Variants in PTGER1 observed in about 807,000 individuals in gnomAD.
PTGER1 encodes prostaglandin E receptor 1, also known as prostaglandin E2 receptor EP1 subtype.
In PTGER1, 15 loss-of-function variants were observed where a neutral mutation model predicts 18.5. The ratio of observed to expected loss-of-function variants is 0.81; its 90% CI spans 0.54 to 1.25. PTGER1 has a LOEUF of 1.25. Ranked by LOEUF, PTGER1 falls within the 50% of genes most tolerant of loss-of-function variation. The pLI, the probability that PTGER1 is intolerant of heterozygous loss-of-function variation, is 0.00. For synonymous variants in PTGER1, 339 were observed against 308.4 expected (o/e 1.10, Z -1.04); for missense variants, 567 against 603.4 (o/e 0.94, Z 0.63).
In PTGER1 at chr19:14,474,476, G is replaced by T. The variant is rs116070352; in HGVS notation, c.-17-139C>A. ...CCCCTCTGCCCATGGCAGTTGCCAT[G>T]GGCAACTCCAAATGACCTGGCCACT... On this transcript the variant is annotated intron_variant, in intron 1 of 2. Coordinates refer to ENST00000292513, the MANE Select transcript of PTGER1 (RefSeq NM_000955.3). The surrounding 1 kb of genome is among the most constrained non-coding windows in gnomAD (Gnocchi z 5.4). 2.1e-6 allele frequency: 2 copies of T among 945,714 alleles called. No individual in the cohort carries two copies. The highest frequency in any genetic ancestry group is 1.8e-5 in the African/African-American group (1 of 56,810). 58.6% of individuals were successfully genotyped at this position (945,714 alleles called of 1,614,324 possible). A position where few individuals can be genotyped will look rare whatever the true frequency, so the allele number is the denominator to read the frequency against.
chr19:14,472,821 C>A lies in PTGER1; in HGVS notation c.948G>T (p.Leu316Phe). ...TCCAGCCGCCGACGGCCAGCGCCAC[C>A]AACACCTGCGGGGGAAGCCGGTGTG... ...SCICWSPMLV[L>F]VALAVGGWSS... The change falls in exon 3 of 3, where the codon TTG (leucine) becomes TTT (phenylalanine). Residue 316 changes from leucine (L) to phenylalanine (F), a missense_variant. Leu to Phe is a conservative substitution (Grantham distance 22). Coordinates refer to ENST00000292513, the MANE Select transcript of PTGER1 (RefSeq NM_000955.3). The A allele has an allele frequency of 2.6e-6, 4 of 1,551,236 alleles. No homozygotes were observed. Among genetic ancestry groups the A allele is most frequent in the South Asian group, 1.2e-5 (1 of 84,448 alleles).
Position 14,474,652 on chromosome 19 carries a change from C to A in PTGER1, c.-17-315G>T, listed in dbSNP as rs980302769. Among the ~76,000 whole-genome samples, 2 of 152,050 alleles carry A rather than the reference C, an allele frequency of 1.3e-5. No homozygotes were observed. The highest frequency in any genetic ancestry group is 2.4e-5 in the African/African-American group (1 of 41,388). On this transcript the variant is annotated intron_variant, in intron 1 of 2. Transcript: ENST00000292513. This position sits in a 1 kb window ranked among gnomAD's most constrained non-coding sequence, Gnocchi z 5.4. ...CCGCCCTCAGGCATCTCTGCCAGTG[C>A]CTCCGACCCCCACCTTCCATTTTTA... is the stretch of plus-strand genomic sequence containing the variant.
chr19:14,472,527 G>A lies in PTGER1; in HGVS notation c.*33C>T, dbSNP rs1353104588. On this transcript the variant is annotated 3_prime_UTR_variant, in exon 3 of 3. Coordinates refer to ENST00000292513, the MANE Select transcript of PTGER1 (RefSeq NM_000955.3). The stretch of plus-strand genomic sequence containing the variant: ...CGCGCACCTGGGCCCAGCCCAGGGT[G>A]GGCTGGCTTAGTCGTTGGGCCTCTG... 1 of 1,516,232 alleles carries A rather than the reference G, an allele frequency of 6.6e-7. No homozygotes were observed. 93.9% of individuals were successfully genotyped at this position (1,516,232 alleles called of 1,614,324 possible). A position where few individuals can be genotyped will look rare whatever the true frequency, so the allele number is the denominator to read the frequency against.
Position 14,473,636 on chromosome 19 carries a change from G to T in PTGER1, c.685C>A (p.Leu229Met). 1 of 1,477,078 alleles carries T rather than the reference G, an allele frequency of 6.8e-7. No individual in the cohort carries two copies. Among genetic ancestry groups the T allele is most frequent in the Non-Finnish European group, 8.9e-7 (1 of 1,122,628 alleles). The allele number at this position is 1,477,078 out of a possible 1,614,324, so 91.5% of individuals were successfully genotyped here. ...LVCNTLSGLA[L>M]LRARWRRRSR... ...CGGCGTCGCCAGCGGGCGCGTAGCA[G>T]GGCCAGGCCGCTGAGCGTGTTGCAC... is the stretch of plus-strand genomic sequence containing the variant. The change falls in exon 2 of 3, where the codon CTG becomes ATG. Residue 229 changes from leucine to methionine, a missense_variant. Leu to Met is a conservative substitution (Grantham distance 15). Coordinates refer to ENST00000292513, the MANE Select transcript of PTGER1 (RefSeq NM_000955.3). This position sits in a 1 kb window ranked among gnomAD's most constrained non-coding sequence, Gnocchi z 7.1.
In PTGER1 at chr19:14,474,402, C is replaced by T; in HGVS notation, c.-17-65G>A. ...CCCGGGCGGGGACCAGCCCACGGTG[C>T]CATCTCAGAACATCAGGGCCTGTTT... On this transcript the variant is annotated intron_variant, in intron 1 of 2. Transcript: ENST00000292513. This position sits in a 1 kb window ranked among gnomAD's most constrained non-coding sequence, Gnocchi z 5.4. The T allele has an allele frequency of 1.4e-5, 19 of 1,390,960 alleles. No homozygotes were observed. The highest frequency in any genetic ancestry group is 1.7e-5 in the Non-Finnish European group (18 of 1,075,716). 86.2% of individuals were successfully genotyped at this position (1,390,960 alleles called of 1,614,324 possible). A position where few individuals can be genotyped will look rare whatever the true frequency, so the allele number is the denominator to read the frequency against.
Position 14,472,872 on chromosome 19 carries a change from G to A in PTGER1, c.943-46C>T, listed in dbSNP as rs10419296. ...AGCTATAGAGCAGGCGCGGGCGCAG[G>A]GGGGCGCAGGGATGGTGGGGGCGTG... On this transcript the variant is annotated intron_variant, in intron 2 of 2. Coordinates refer to ENST00000292513, the MANE Select transcript of PTGER1 (RefSeq NM_000955.3). 29 of 1,506,416 alleles carry A rather than the reference G, an allele frequency of 1.9e-5. No individual in the cohort carries two copies. The East Asian group carries it at 2.2e-4, about 12-fold the overall frequency. The allele number at this position is 1,506,416 out of a possible 1,614,324, so 93.3% of individuals were successfully genotyped here.
In PTGER1 at chr19:14,473,825, A is replaced by AGGCCACCGC. The variant is rs760718813; in HGVS notation, c.487_495dup (p.Ala163_Ala165dup). ...GCCAGCGGCAGCAGCGCCACGGCCA[A>AGGCCACCGC]GGCCACCGCGGCCACCGCGGCCAGC... On this transcript the variant is annotated inframe_insertion, in exon 2 of 3. Transcript: ENST00000292513. This position sits in a 1 kb window ranked among gnomAD's most constrained non-coding sequence, Gnocchi z 7.1. 4.6e-6 allele frequency: 6 copies of AGGCCACCGC among 1,317,620 alleles called. No homozygotes were observed. The highest frequency in any genetic ancestry group is 5.8e-6 in the Non-Finnish European group (6 of 1,036,836). The allele number at this position is 1,317,620 out of a possible 1,614,324, so 81.6% of individuals were successfully genotyped here. A position where few individuals can be genotyped will look rare whatever the true frequency, so the allele number is the denominator to read the frequency against.
chr19:14,473,611 C>A lies in PTGER1; in HGVS notation c.710G>T (p.Arg237Leu). 6.8e-7 allele frequency: 1 copy of A among 1,460,824 alleles called. No homozygotes were observed. The highest frequency in any genetic ancestry group is 9.0e-7 in the Non-Finnish European group (1 of 1,117,076). The allele number at this position is 1,460,824 out of a possible 1,614,324, so 90.5% of individuals were successfully genotyped here. ...LALLRARWRRRSRRPPPASGP... is the reference protein window; with the variant it reads ...LALLRARWRRLSRRPPPASGP... Reference sequence around the variant, plus strand: ...TGAGGCCGGGGGAGGCCGTCGGGAGCGGCGTCGCCAGCGGGCGCGTAGCAG... The same window carrying A: ...TGAGGCCGGGGGAGGCCGTCGGGAGAGGCGTCGCCAGCGGGCGCGTAGCAG... Residue 237 changes from arginine to leucine, a missense_variant, in exon 2 of 3, where the codon CGC (arginine) becomes CTC (leucine). Transcript: ENST00000292513. The surrounding 1 kb of genome is among the most constrained non-coding windows in gnomAD (Gnocchi z 7.1).
At position 14,472,916 on chromosome 19, in the gene PTGER1, G is replaced by A; in HGVS notation, c.943-90C>T. 3.0e-6 allele frequency: 4 copies of A among 1,323,732 alleles called. No homozygotes were observed. The South Asian group carries it at 5.9e-5, about 20-fold the overall frequency. The allele number at this position is 1,323,732 out of a possible 1,614,324, so 82.0% of individuals were successfully genotyped here. On this transcript the variant is annotated intron_variant, in intron 2 of 2. Coordinates refer to ENST00000292513, the MANE Select transcript of PTGER1 (RefSeq NM_000955.3). ...GGGCGTGGCTGGAAGGTAAAAGCCT[G>A]GGAGGAGGGGCGAGCCGTCGCAGGG... is the stretch of plus-strand genomic sequence containing the variant.
Position 14,472,636 on chromosome 19 carries a change from C to A in PTGER1, c.1133G>T (p.Gly378Val). 1.9e-6 allele frequency: 3 copies of A among 1,606,574 alleles called. No homozygotes were observed. The highest frequency in any genetic ancestry group is 2.5e-6 in the Non-Finnish European group (3 of 1,177,600). The part of the protein sequence containing the change: ...PRAGAKGGPA[G>V]LGLTPSAWEA... ...CCAGGCGCTCGGTGTTAGGCCCAGC[C>A]CCGCGGGGCCGCCCTTGGCTCCGGC... is the stretch of plus-strand genomic sequence containing the variant. The change falls in exon 3 of 3, where the codon GGG becomes GTG. Residue 378 changes from glycine to valine, a missense_variant. Physicochemically the swap from Gly to Val is moderately radical, Grantham distance 109. Coordinates refer to ENST00000292513, the MANE Select transcript of PTGER1 (RefSeq NM_000955.3).
Position 14,473,246 on chromosome 19 carries a change from T to TG in PTGER1, c.942+132dup, listed in dbSNP as rs1203790899. Reference sequence around the variant, plus strand: ...AGGCGATGCTGGCTTTCGGGGCAGGTGGGGCCTCTAGGGGCCGGGGCCTTG... The same window carrying TG: ...AGGCGATGCTGGCTTTCGGGGCAGGTGGGGGCCTCTAGGGGCCGGGGCCTTG... On this transcript the variant is annotated intron_variant, in intron 2 of 2. Transcript: ENST00000292513. The surrounding 1 kb of genome is among the most constrained non-coding windows in gnomAD (Gnocchi z 7.1). 1.5e-5 allele frequency: 22 copies of TG among 1,438,968 alleles called. No individual in the cohort carries two copies. Among genetic ancestry groups the TG allele is most frequent in the Middle Eastern group, 4.6e-4 (2 of 4,306 alleles). The allele number at this position is 1,438,968 out of a possible 1,614,324, so 89.1% of individuals were successfully genotyped here.
Position 14,473,624 on chromosome 19 carries a change from G to T in PTGER1, c.697C>A (p.Arg233Ser). ...GGCCGTCGGGAGCGGCGTCGCCAGC[G>T]GGCGCGTAGCAGGGCCAGGCCGCTG... ...TLSGLALLRA[R>S]WRRRSRRPPP... The change falls in exon 2 of 3, where the codon CGC becomes AGC. Residue 233 changes from arginine (R) to serine (S), a missense_variant. Transcript: ENST00000292513. The surrounding 1 kb of genome is among the most constrained non-coding windows in gnomAD (Gnocchi z 7.1). The T allele has an allele frequency of 6.8e-7, 1 of 1,467,918 alleles. No homozygotes were observed. The highest frequency in any genetic ancestry group is 8.9e-7 in the Non-Finnish European group (1 of 1,119,944). The allele number at this position is 1,467,918 out of a possible 1,614,324, so 90.9% of individuals were successfully genotyped here. A position where few individuals can be genotyped will look rare whatever the true frequency, so the allele number is the denominator to read the frequency against.
At position 14,474,060 on chromosome 19, in the gene PTGER1, G is replaced by T. The variant is rs2071592193; in HGVS notation, c.261C>A (p.Gly87=). Residue 87 remains glycine (G), a synonymous_variant, in exon 2 of 3, where the codon GGC becomes GGA. Coordinates refer to ENST00000292513, the MANE Select transcript of PTGER1 (RefSeq NM_000955.3). The surrounding 1 kb of genome is among the most constrained non-coding windows in gnomAD (Gnocchi z 5.4). ...GCACCAGCGCGCCCGGGATCACGTG[G>T]CCCGCCAGGTCGGTGGCCAGCAGGC... ...VASLLATDLA[G]HVIPGALVLR... is the part of the protein sequence containing the mutation. The T allele has an allele frequency of 6.7e-7, 1 of 1,495,400 alleles. No individual in the cohort carries two copies. 92.6% of individuals were successfully genotyped at this position (1,495,400 alleles called of 1,614,324 possible).
chr19:14,473,363 C>T lies in PTGER1; in HGVS notation c.942+16G>A. 2 of 1,560,620 alleles carry T rather than the reference C, an allele frequency of 1.3e-6. No individual in the cohort carries two copies. Among genetic ancestry groups the T allele is most frequent in the Non-Finnish European group, 8.6e-7 (1 of 1,158,808 alleles). ...GCGGGAAGGAGCGTGGCTCGAGGGG[C>T]CGGTGCGCCCCTCACCAGCATTGGG... On this transcript the variant is annotated intron_variant, in intron 2 of 2. Coordinates refer to ENST00000292513, the MANE Select transcript of PTGER1 (RefSeq NM_000955.3). The surrounding 1 kb of genome is among the most constrained non-coding windows in gnomAD (Gnocchi z 7.1).
intron 2 of PTGER1, 145 bp from the exon 3 acceptor site, chr19:14,472,971 G>A (rs1283075044): frequency 4.8e-6 from 4 of 829,018 alleles, no homozygotes; most frequent in Non-Finnish European, 7.3e-6. Context: ...ATGAGAAACG[G>A]ATGCGGAAAA....
rs1400992264 is a variant in PTGER1, at chr19:14,473,673, G to A, written c.648C>T (p.Leu216=). The A allele has an allele frequency of 3.4e-6, 5 of 1,475,888 alleles. No homozygotes were observed. Among genetic ancestry groups the A allele is most frequent in the Middle Eastern group, 2.3e-4 (1 of 4,358 alleles). The allele number at this position is 1,475,888 out of a possible 1,614,324, so 91.4% of individuals were successfully genotyped here. Residue 216 remains leucine (L), a synonymous_variant, in exon 2 of 3, where the codon CTC becomes CTT. Transcript: ENST00000292513. This position sits in a 1 kb window ranked among gnomAD's most constrained non-coding sequence, Gnocchi z 7.1. The part of the protein sequence containing the change: ...LFASLGLVAL[L]AALVCNTLSG... ...TGAGCGTGTTGCACACCAGCGCGGC[G>A]AGGAGCGCGACCAGGCCGAGGCTGG... is the stretch of plus-strand genomic sequence containing the variant.
In PTGER1 at chr19:14,472,713, G is replaced by T. The variant is rs778810866; in HGVS notation, c.1056C>A (p.Ile352=). The change falls in exon 3 of 3, where the codon ATC becomes ATA. Residue 352 remains isoleucine (I), a synonymous_variant. Coordinates refer to ENST00000292513, the MANE Select transcript of PTGER1 (RefSeq NM_000955.3). ...WNQILDPWVY[I]LLRQAVLRQL... is the part of the protein sequence containing the mutation. ...GGCGCAGCACGGCCTGGCGCAGTAG[G>T]ATGTACACCCAAGGGTCCAGGATCT... The T allele has an allele frequency of 6.2e-7, 1 of 1,611,634 alleles. No individual in the cohort carries two copies. Among genetic ancestry groups the T allele is most frequent in the Admixed American group, 1.7e-5 (1 of 59,692 alleles).
Position 14,474,628 on chromosome 19 carries a change from C to T in PTGER1, c.-17-291G>A, listed in dbSNP as rs34162058. 6.4e-3 allele frequency among the ~76,000 whole-genome samples: 975 copies of T among 152,198 alleles called. 45 individuals carry two copies. In the East Asian group the frequency reaches 0.12, roughly 19 times the overall value. ...TTTCCTGCAAGATTCCCCCCAGCCC[C>T]GCCCTCAGGCATCTCTGCCAGTGCC... On this transcript the variant is annotated intron_variant, in intron 1 of 2. Transcript: ENST00000292513. The surrounding 1 kb of genome is among the most constrained non-coding windows in gnomAD (Gnocchi z 5.4).
rs199523939 is a variant in PTGER1 at position 14,473,736 on chromosome 19, C to G, written c.585G>C (p.Pro195=). Residue 195 remains proline (P), a synonymous_variant, in exon 2 of 3, where the codon CCG becomes CCC. Coordinates refer to ENST00000292513, the MANE Select transcript of PTGER1 (RefSeq NM_000955.3). The surrounding 1 kb of genome is among the most constrained non-coding windows in gnomAD (Gnocchi z 7.1). The part of the protein sequence containing the change: ...GTWCFIGLGP[P]GGWRQALLAG... Reference sequence around the variant, plus strand: ...CAAGCAGTGCCTGGCGCCAGCCGCCCGGGGGACCCAGGCCGATGAAGCACC... The same window carrying G: ...CAAGCAGTGCCTGGCGCCAGCCGCCGGGGGGACCCAGGCCGATGAAGCACC... The G allele has an allele frequency of 6.0e-5, 88 of 1,459,160 alleles. No individual in the cohort carries two copies. The highest frequency in any genetic ancestry group is 7.2e-5 in the Non-Finnish European group (80 of 1,111,272). The allele number at this position is 1,459,160 out of a possible 1,614,324, so 90.4% of individuals were successfully genotyped here.
Sources: gnomAD v4.1 joint callset for allele counts (sites outside exome capture counted in the v4.1 genomes callset) on GRCh38, gnomAD v4.1.1 for gene constraint, Gnocchi (gnomAD v3.1) non-coding constraint, MANE v1.5 for transcripts, NCBI Gene and HGNC (gene_info 2026-07-23, HGNC 2026-07-21) for gene names.